CDKAL1: variants seen among roughly 807,000 people sequenced by gnomAD.
The protein encoded by CDKAL1 is threonylcarbamoyladenosine tRNA methylthiotransferase.
A neutral mutation model predicts 68.2 loss-of-function variants in CDKAL1; 32 were observed. The ratio of observed to expected loss-of-function variants is 0.47; its 90% CI spans 0.35 to 0.63. CDKAL1 has a LOEUF of 0.63. Ranked by LOEUF, CDKAL1 falls within the 30% of genes least tolerant of loss-of-function variation. The pLI is 0.00. For synonymous variants in CDKAL1, 234 were observed against 244.3 expected (o/e 0.96, Z 0.39); for missense variants, 606 against 696.7 (o/e 0.87, Z 1.47).
At chr6:20,619,716 C>T (rs994986155) in intron 4 of CDKAL1, among the ~76,000 whole-genome samples, 1 of 152,190 alleles carries the variant, frequency 6.6e-6, no homozygotes, top group Non-Finnish European at 1.5e-5. Context: ...TTGCTACAAC[C>T]TGCTGAATCT....
intron 11 of CDKAL1, among the ~76,000 whole-genome samples, chr6:21,022,591 TGCTCCTTTTGTG>T (rs753980809): frequency 1.4e-4 from 21 of 152,276 alleles, no homozygotes; most frequent in Middle Eastern, 3.4e-3. Context: ...CAGTAAACTC[TGCTCCTTTTGTG>T]TGTGAGGAGG....
At position 20,544,301 on chromosome 6, in the gene CDKAL1, A is replaced by C. The variant is rs980861180; in HGVS notation, c.-5-2045A>C. On this transcript the variant is annotated intron_variant, in intron 2 of 15. Coordinates refer to ENST00000274695, the MANE Select transcript of CDKAL1 (RefSeq NM_017774.3). ...AATTATAGCTATCTAATAAGTCTTA[A>C]AATTGGGTAGACCAGGCCGGGCGCA... Among the ~76,000 whole-genome samples the C allele has an allele frequency of 7.2e-5, 11 of 152,072 alleles. No homozygotes were observed. In the South Asian group the frequency reaches 1.0e-3, roughly 14 times the overall value.
intron 8 of CDKAL1, among the ~76,000 whole-genome samples, chr6:20,807,000 C>T (rs1776599815): frequency 6.6e-6 from 1 of 152,092 alleles, no homozygotes. Context: ...TCACTAGATA[C>T]TGATGAAAGT....
chr6:20,804,775 T>C (rs1050948857), intron 8 of CDKAL1, among the ~76,000 whole-genome samples: 2 of 152,100 alleles, frequency 1.3e-5, no homozygotes, highest in Non-Finnish European at 2.9e-5. Context: ...AGGTTAACCA[T>C]TGAGTAGTAT....
intron 12 of CDKAL1, among the ~76,000 whole-genome samples, chr6:21,071,260 TC>T (rs1276350409): frequency 6.6e-6 from 1 of 151,950 alleles, no homozygotes; most frequent in African/African-American, 2.4e-5. Flanking sequence ...GGGGGCAGAT[TC>T]CCCCATGCTG....
chr6:20,745,319 A>G (rs1365453865), intron 6 of CDKAL1, among the ~76,000 whole-genome samples: 1 of 152,240 alleles, frequency 6.6e-6, no homozygotes, highest in Non-Finnish European at 1.5e-5. Flanking sequence ...CCATGTTGCA[A>G]AAGGTAAACA....
At chr6:20,948,167 C>G (rs1017998207) in intron 9 of CDKAL1, among the ~76,000 whole-genome samples, 14 of 151,986 alleles carry the variant, frequency 9.2e-5, no homozygotes, top group Non-Finnish European at 1.6e-4. Flanking sequence ...CAGGTGCACA[C>G]TACCATGCCC....
chr6:20,609,315 C>CCCTCCTCTCTCCCT (rs1766494380), intron 4 of CDKAL1, among the ~76,000 whole-genome samples: 2 of 146,934 alleles, frequency 1.4e-5, no homozygotes, highest in Non-Finnish European at 3.0e-5. Flanking sequence ...TCCTCCTCCC[C>CCCTCCTCTCTCCCT]CCTCCTCTCT....
intron 5 of CDKAL1, among the ~76,000 whole-genome samples, chr6:20,672,270 TTTTCTTTCTTTCTCTC>T (rs1562014245): frequency 0.017 from 1,870 of 107,306 alleles, 19 homozygotes; most frequent in Non-Finnish European, 0.027. Flanking sequence ...TTCTTTTTCT[TTTTCTTTCTTTCTCTC>T]TCTCTCTCTC....
At chr6:20,719,498 G>A (rs1214630523) in intron 5 of CDKAL1, among the ~76,000 whole-genome samples, 1 of 152,072 alleles carries the variant, frequency 6.6e-6, no homozygotes, top group Admixed American at 6.6e-5. Context: ...ACTTTCATGT[G>A]GGTTCTGAGA....
At chr6:21,078,829 C>T (rs916363405) in intron 12 of CDKAL1, among the ~76,000 whole-genome samples, 10 of 152,166 alleles carry the variant, frequency 6.6e-5, no homozygotes, top group African/African-American at 2.4e-4. Context: ...CCACCTCTTT[C>T]ATGTTCCCAT....
chr6:21,121,958 C>T (rs187310714), intron 13 of CDKAL1, among the ~76,000 whole-genome samples: 1 of 152,138 alleles, frequency 6.6e-6, no homozygotes, highest in South Asian at 2.1e-4. Context: ...TTACCTGTGC[C>T]GTCCTGTCCC....
intron 5 of CDKAL1, among the ~76,000 whole-genome samples, chr6:20,692,587 A>G (rs967320078): frequency 6.6e-6 from 1 of 152,242 alleles, no homozygotes; most frequent in Non-Finnish European, 1.5e-5. Flanking sequence ...TCAAAATCAC[A>G]AAAACCAAAG....
At chr6:20,740,823 G>A (rs1236670900) in intron 6 of CDKAL1, among the ~76,000 whole-genome samples, 1 of 152,038 alleles carries the variant, frequency 6.6e-6, no homozygotes, top group Admixed American at 6.6e-5. Context: ...CCATTTGTCT[G>A]TTTACATTTT....
chr6:21,201,017 T>G lies in CDKAL1; in HGVS notation c.1384-93T>G. 3.4e-6 allele frequency: 4 copies of G among 1,187,752 alleles called. No individual in the cohort carries two copies. The South Asian group carries it at 6.5e-5, about 19-fold the overall frequency. 73.6% of individuals were successfully genotyped at this position (1,187,752 alleles called of 1,614,324 possible). A position where few individuals can be genotyped will look rare whatever the true frequency, so the allele number is the denominator to read the frequency against. ...GAGTTAGGTATACAGGAGCTCTCCA[T>G]ACTATCTTTGCAATAATTCTATAAA... On this transcript the variant is annotated intron_variant, in intron 14 of 15. Transcript: ENST00000274695.
chr6:21,072,015 C>A (rs1262466904), intron 12 of CDKAL1, among the ~76,000 whole-genome samples: 2 of 152,220 alleles, frequency 1.3e-5, no homozygotes, highest in African/African-American at 2.4e-5. Context: ...GGAAGCGATA[C>A]ACACAGCCAG....
intron 5 of CDKAL1, among the ~76,000 whole-genome samples, chr6:20,736,799 C>T (rs953386437): frequency 2.0e-5 from 3 of 151,792 alleles, no homozygotes; most frequent in Admixed American, 6.6e-5. Context: ...CCTCCACATG[C>T]GTTCTGGTTC....
At chr6:20,847,710 T>G (rs576672313) in intron 9 of CDKAL1, among the ~76,000 whole-genome samples, 1 of 152,328 alleles carries the variant, frequency 6.6e-6, no homozygotes, top group South Asian at 2.1e-4. Context: ...CATGGCTTTA[T>G]ATGGACACAT....
chr6:21,172,127 G>A (rs1364808040), intron 13 of CDKAL1, among the ~76,000 whole-genome samples: 1 of 152,058 alleles, frequency 6.6e-6, no homozygotes, highest in Non-Finnish European at 1.5e-5. Context: ...ATATTTTGTT[G>A]CTCACCTGAT....
Sources: allele counts gnomAD v4.1 joint callset (sites outside exome capture counted in the v4.1 genomes callset), GRCh38; gene constraint gnomAD v4.1.1; transcripts MANE v1.5; gene names NCBI Gene and HGNC (gene_info 2026-07-23, HGNC 2026-07-21).